Variants in MRPS10 observed in about 807,000 individuals in gnomAD.
MRPS10 encodes mitochondrial ribosomal protein S10.
MRPS10 carries 23 observed loss-of-function variants against 27.5 expected under a neutral mutation model. That is an observed-to-expected ratio of 0.84 (90% CI 0.60 to 1.18). The LOEUF (loss-of-function observed/expected upper bound fraction) is 1.18, where lower values mean the gene tolerates loss of function less well. Among genes scored for constraint, MRPS10 ranks in the 50% most tolerant of loss-of-function variants. The probability of loss-of-function intolerance (pLI) is 0.00; values close to 1 mark genes in which losing one functional copy is unlikely to be tolerated. For missense variants in MRPS10, 237 were observed against 240.1 expected (o/e 0.99, Z 0.09); for synonymous variants, 88 against 84.2 (o/e 1.04, Z -0.25).
At chr6:42,208,998 G>GTT in intron 5 of MRPS10, 51 bp from the exon 6 acceptor site, 5 of 1,122,816 alleles carry the variant, frequency 4.5e-6, no homozygotes, top group Non-Finnish European at 6.1e-6. Context: ...GTTAAAGCAC[G>GTT]GTTTTTTGTT....
rs941586081 is a variant in MRPS10, at chr6:42,207,014, AT to A, written c.*1274del. 8 of 152,316 alleles carry A rather than the reference AT, an allele frequency of 5.3e-5. No individual in the cohort carries two copies. Among genetic ancestry groups the A allele is most frequent in the African/African-American group, 1.9e-4 (8 of 41,576 alleles). 9.4% of individuals were successfully genotyped at this position (152,316 alleles called of 1,614,324 possible). ...CAAAAGACATGGACCTGCTTCTACTATAAAAAGAAAATGAAGCACTTCTCTG... is the reference window on the plus strand; with the variant it reads ...CAAAAGACATGGACCTGCTTCTACTAAAAAAGAAAATGAAGCACTTCTCTG... On this transcript the variant is annotated 3_prime_UTR_variant, in exon 7 of 7. Coordinates refer to ENST00000053468, the MANE Select transcript of MRPS10 (RefSeq NM_018141.4).
At chr6:42,216,016 T>TC (rs1451321191) in intron 1 of MRPS10, among the ~76,000 whole-genome samples, 2 of 30,998 alleles carry the variant, frequency 6.5e-5, no homozygotes, top group Non-Finnish European at 2.2e-4. Context: ...TTTTCTTTTT[T>TC]TTTTCTTTTC....
chr6:42,208,293 G>T lies in MRPS10; in HGVS notation c.602C>A (p.Ser201Ter), dbSNP rs1213543540. 6.2e-7 allele frequency: 1 copy of T among 1,611,016 alleles called. No homozygotes were observed. Among genetic ancestry groups the T allele is most frequent in the Non-Finnish European group, 8.5e-7 (1 of 1,178,450 alleles). The change falls in exon 7 of 7, where the codon TCA (serine) becomes TAA (stop). Residue 201 changes from serine to a stop codon, truncating the protein, a stop_gained. Coordinates refer to ENST00000053468, the MANE Select transcript of MRPS10 (RefSeq NM_018141.4). LOFTEE classifies it high-confidence loss of function. Reference sequence around the variant, plus strand: ...AAAAATGGCCTCCCTGAGGCTTTATGACTTGCTTTCTTCTTTTTCTTCTGA... The same window carrying T: ...AAAAATGGCCTCCCTGAGGCTTTATTACTTGCTTTCTTCTTTTTCTTCTGA... ...TLSEEKEESK[S>*]
Position 42,208,135 on chromosome 6 carries a change from T to G in MRPS10, c.*154A>C, listed in dbSNP as rs1260307657. On this transcript the variant is annotated 3_prime_UTR_variant, in exon 7 of 7. Transcript: ENST00000053468. ...ATAAAAGTGGTTCTTCCATTAAAGT[T>G]CCATTCCCTGCCCTCAGCTGATGAG... 1.5e-6 allele frequency: 1 copy of G among 650,968 alleles called. No individual in the cohort carries two copies. The highest frequency in any genetic ancestry group is 2.7e-6 in the Non-Finnish European group (1 of 370,298). 40.3% of individuals were successfully genotyped at this position (650,968 alleles called of 1,614,324 possible).
At chr6:42,212,389 A>G (rs1207094739) in intron 3 of MRPS10, among the ~76,000 whole-genome samples, 1 of 152,206 alleles carries the variant, frequency 6.6e-6, no homozygotes. Flanking sequence ...TTTCTCTAAG[A>G]AAAAAATAAG....
In MRPS10 at chr6:42,214,168, C is replaced by G; in HGVS notation, c.138G>C (p.Gln46His). 1 of 1,613,472 alleles carries G rather than the reference C, an allele frequency of 6.2e-7. No homozygotes were observed. The highest frequency in any genetic ancestry group is 8.5e-7 in the Non-Finnish European group (1 of 1,179,690). Residue 46 changes from glutamine to histidine, a missense_variant, in exon 3 of 7, where the codon CAG becomes CAC. Physicochemically the swap from Gln to His is conservative, Grantham distance 24. This residue lies in a region of MRPS10 where 164 missense variants were observed against 137.8 expected (regional missense o/e 1.19). Transcript: ENST00000053468. ...LLLSTNMKWV[Q>H]FSNLHVDVPK... is the part of the protein sequence containing the mutation. ...GAACATCAACGTGTAGGTTTGAAAA[C>G]TGTACCCACTTCATATTGGTACTGC...
chr6:42,212,009 G>T, intron 3 of MRPS10, 92 bp from the exon 4 acceptor site: 1 of 1,180,002 alleles, frequency 8.5e-7, no homozygotes, highest in Non-Finnish European at 1.2e-6. Context: ...CAACTTCAGA[G>T]TTTACTAATA....
chr6:42,208,039 T>C lies in MRPS10; in HGVS notation c.*250A>G. The C allele has an allele frequency of 2.1e-6, 1 of 474,140 alleles. No homozygotes were observed. Among genetic ancestry groups the C allele is most frequent in the Non-Finnish European group, 3.7e-6 (1 of 270,806 alleles). 29.4% of individuals were successfully genotyped at this position (474,140 alleles called of 1,614,324 possible). A position where few individuals can be genotyped will look rare whatever the true frequency, so the allele number is the denominator to read the frequency against. On this transcript the variant is annotated 3_prime_UTR_variant, in exon 7 of 7. Coordinates refer to ENST00000053468, the MANE Select transcript of MRPS10 (RefSeq NM_018141.4). Reference sequence around the variant, plus strand: ...GTAACAAAATAGAATTTTCACTCTTTCTGCTTTCAGTCAAAGTGGTTTGCT... The same window carrying C: ...GTAACAAAATAGAATTTTCACTCTTCCTGCTTTCAGTCAAAGTGGTTTGCT...
Position 42,217,861 on chromosome 6 carries a change from C to A in MRPS10, c.-12G>T, listed in dbSNP as rs765958766. ...GTCCGCGCCGCCATCTTGCCGGTCCCGACCTCTCAGGATTGCTTCCGGGGT... is the reference window on the plus strand; with the variant it reads ...GTCCGCGCCGCCATCTTGCCGGTCCAGACCTCTCAGGATTGCTTCCGGGGT... On this transcript the variant is annotated 5_prime_UTR_variant, in exon 1 of 7. Coordinates refer to ENST00000053468, the MANE Select transcript of MRPS10 (RefSeq NM_018141.4). 1.9e-6 allele frequency: 3 copies of A among 1,613,634 alleles called. No individual in the cohort carries two copies. The highest frequency in any genetic ancestry group is 2.2e-5 in the East Asian group (1 of 44,868).
intron 3 of MRPS10, among the ~76,000 whole-genome samples, 163 bp downstream of exon 3, chr6:42,213,957 A>G (rs1465779508): frequency 6.6e-6 from 1 of 152,244 alleles, no homozygotes; most frequent in Admixed American, 6.5e-5. Context: ...TGAAGACAAT[A>G]TAATCCAGGG....
chr6:42,209,006 G>GTT, intron 5 of MRPS10, 59 bp from the exon 6 acceptor site: 47 of 442,054 alleles, frequency 1.1e-4, no homozygotes, highest in South Asian at 3.0e-4. Context: ...ACGGTTTTTT[G>GTT]TTTTTTTTTT....
Position 42,208,111 on chromosome 6 carries a change from T to A in MRPS10, c.*178A>T. 1 of 619,364 alleles carries A rather than the reference T, an allele frequency of 1.6e-6. No individual in the cohort carries two copies. 38.4% of individuals were successfully genotyped at this position (619,364 alleles called of 1,614,324 possible). ...TGAAACAATGAATAAAAAGAATAGA[T>A]AAAAGTGGTTCTTCCATTAAAGTTC... On this transcript the variant is annotated 3_prime_UTR_variant, in exon 7 of 7. Transcript: ENST00000053468.
At position 42,208,906 on chromosome 6, in the gene MRPS10, T is replaced by A. The variant is rs747563333; in HGVS notation, c.474A>T (p.Glu158Asp). ...LTGSTADVYLEYIQRNLPEGV... is the reference protein window; with the variant it reads ...LTGSTADVYLDYIQRNLPEGV... ...CTTCAGGTAAGTTTCGCTGAATATA[T>A]TCCAAGTAGACATCTGCTGTGCTTC... Residue 158 changes from glutamate (E) to aspartate (D), a missense_variant, in exon 6 of 7, where the codon GAA becomes GAT. Physicochemically the swap from Glu to Asp is conservative, Grantham distance 45. This residue lies in a region of MRPS10 where 62 missense variants were observed against 68.2 expected (regional missense o/e 0.91). Transcript: ENST00000053468. 46 of 1,612,340 alleles carry A rather than the reference T, an allele frequency of 2.9e-5. No homozygotes were observed. In the Admixed American group the frequency reaches 7.5e-4, roughly 26 times the overall value.
In MRPS10 at chr6:42,208,370, T is replaced by G; in HGVS notation, c.525A>C (p.Thr175=). 6.3e-7 allele frequency: 1 copy of G among 1,593,996 alleles called. No individual in the cohort carries two copies. Among genetic ancestry groups the G allele is most frequent in the Non-Finnish European group, 8.6e-7 (1 of 1,169,270 alleles). ...TGTGTTCTGGTAACTGTTCTAATTG[T>G]GTCTAAAAAAAGAAAGAAACAAAAC... is the stretch of plus-strand genomic sequence containing the variant. ...PEGVAMEVTK[T]QLEQLPEHIK... is the part of the protein sequence containing the mutation. Residue 175 remains threonine (T), a splice_region_variant and synonymous_variant, in exon 7 of 7, where the codon ACA becomes ACC. Transcript: ENST00000053468.
At chr6:42,209,350 A>G (rs983078124) in intron 5 of MRPS10, among the ~76,000 whole-genome samples, 1 of 152,202 alleles carries the variant, frequency 6.6e-6, no homozygotes, top group Admixed American at 6.5e-5. Context: ...ACTGAAGACA[A>G]AAGGACTAAA....
In MRPS10 at chr6:42,207,958, T is replaced by A. The variant is rs950027105; in HGVS notation, c.*331A>T. Reference sequence around the variant, plus strand: ...AACACTCCAAGCACTTATTTTCAGATGCATCAACTGACATAAATTAAAAAT... The same window carrying A: ...AACACTCCAAGCACTTATTTTCAGAAGCATCAACTGACATAAATTAAAAAT... On this transcript the variant is annotated 3_prime_UTR_variant, in exon 7 of 7. Coordinates refer to ENST00000053468, the MANE Select transcript of MRPS10 (RefSeq NM_018141.4). 3.7e-6 allele frequency: 1 copy of A among 273,566 alleles called. No homozygotes were observed. The highest frequency in any genetic ancestry group is 6.8e-6 in the Non-Finnish European group (1 of 146,210). The allele number at this position is 273,566 out of a possible 1,614,324, so 16.9% of individuals were successfully genotyped here. A position where few individuals can be genotyped will look rare whatever the true frequency, so the allele number is the denominator to read the frequency against.
At chr6:42,212,038 G>C (rs1050087993) in intron 3 of MRPS10, 121 bp from the exon 4 acceptor site, 18 of 852,708 alleles carry the variant, frequency 2.1e-5, no homozygotes, top group Non-Finnish European at 3.1e-5. Flanking sequence ...GAAAAACACT[G>C]AGTGACGGCA....
Position 42,211,853 on chromosome 6 carries a change from T to A in MRPS10, c.251A>T (p.Asp84Val). ...TTCATAACTGTCCAATACAGCCTTA[T>A]CGTGACCTTTCACCAAAACCGAGAG... The part of the protein sequence containing the change: ...KRLSVLVKGH[D>V]KAVLDSYEYF... Residue 84 changes from aspartate (D) to valine (V), a missense_variant, in exon 4 of 7, where the codon GAT becomes GTT. Around this residue, in one of 3 missense-constraint regions of MRPS10, gnomAD observed 164 missense variants for 137.8 expected, o/e 1.19. Transcript: ENST00000053468. The A allele has an allele frequency of 6.2e-7, 1 of 1,614,042 alleles. No homozygotes were observed. Among genetic ancestry groups the A allele is most frequent in the Non-Finnish European group, 8.5e-7 (1 of 1,179,928 alleles).
chr6:42,208,432 T>A (rs1235970157), intron 6 of MRPS10, 60 bp from the exon 7 acceptor site: 12 of 1,249,246 alleles, frequency 9.6e-6, no homozygotes, highest in Non-Finnish European at 1.4e-5. Flanking sequence ...TGACTACAAA[T>A]CGGACTTATT....
Sources: allele counts gnomAD v4.1 joint callset (sites outside exome capture counted in the v4.1 genomes callset), GRCh38; gene constraint gnomAD v4.1.1; regional missense constraint gnomAD v4.1.1; transcripts MANE v1.5; gene names NCBI Gene and HGNC (gene_info 2026-07-23, HGNC 2026-07-21).